Variants in PXYLP1 observed in about 807,000 individuals in gnomAD.
PXYLP1 encodes 2-phosphoxylose phosphatase 1.
Under a neutral mutation model 37.9 loss-of-function variants are expected in PXYLP1, and 17 were observed. The ratio of observed to expected loss-of-function variants is 0.45; its 90% CI spans 0.31 to 0.67. PXYLP1 has a LOEUF of 0.67. PXYLP1 is among the 30% of genes least tolerant of loss of function. PXYLP1 has a pLI of 0.07. For missense variants in PXYLP1, 511 were observed against 612.0 expected (o/e 0.84, Z 1.74); for synonymous variants, 221 against 232.2 (o/e 0.95, Z 0.44).
At chr3:141,241,706 G>A (rs535426327) in intron 1 of PXYLP1, among the ~76,000 whole-genome samples, 87 of 152,332 alleles carry the variant, frequency 5.7e-4, no homozygotes, top group African/African-American at 2.0e-3. Flanking sequence ...GTGCCATGGG[G>A]CCTGGCCTTA....
chr3:141,252,846 G>C (rs1332687397), intron 1 of PXYLP1, among the ~76,000 whole-genome samples: 1 of 152,198 alleles, frequency 6.6e-6, no homozygotes, highest in East Asian at 1.9e-4. Context: ...CCCCAGGTGA[G>C]AGAGGGTCTG....
At chr3:141,288,336 A>AG (rs1301774808) in intron 5 of PXYLP1, among the ~76,000 whole-genome samples, 1 of 152,172 alleles carries the variant, frequency 6.6e-6, no homozygotes, top group East Asian at 1.9e-4. Flanking sequence ...GCAGGGATGG[A>AG]GGGAAGGTCT....
chr3:141,287,471 G>A lies in PXYLP1; in HGVS notation c.505+18G>A, dbSNP rs777256093. 2.5e-6 allele frequency: 4 copies of A among 1,608,272 alleles called. No individual in the cohort carries two copies. The highest frequency in any genetic ancestry group is 1.1e-5 in the South Asian group (1 of 90,614). ...ACAGACAGGTATGTGTGACCCCCAT[G>A]CGCTCAGGGGTTCCCCCACCCGCTC... On this transcript the variant is annotated intron_variant, in intron 5 of 5. Coordinates refer to ENST00000286353, the MANE Select transcript of PXYLP1 (RefSeq NM_001037172.3).
At chr3:141,290,308 A>G (rs1482113065) in intron 5 of PXYLP1, among the ~76,000 whole-genome samples, 2 of 152,222 alleles carry the variant, frequency 1.3e-5, no homozygotes, top group East Asian at 3.8e-4. Context: ...TTAGAGAGTA[A>G]ACACAGGCCT....
At chr3:141,289,424 A>G (rs538468675) in intron 5 of PXYLP1, among the ~76,000 whole-genome samples, 1 of 152,162 alleles carries the variant, frequency 6.6e-6, no homozygotes, top group Non-Finnish European at 1.5e-5. Flanking sequence ...ACTAGGTGCC[A>G]GGAATGCCTT....
At chr3:141,260,686 C>G (rs913463768) in intron 2 of PXYLP1, among the ~76,000 whole-genome samples, 4 of 152,224 alleles carry the variant, frequency 2.6e-5, no homozygotes, top group Non-Finnish European at 4.4e-5. Flanking sequence ...ACCCACCCCC[C>G]AGGCAGCAGG....
intron 2 of PXYLP1, among the ~76,000 whole-genome samples, chr3:141,278,115 G>A (rs971600208): frequency 1.3e-5 from 2 of 152,210 alleles, no homozygotes; most frequent in Non-Finnish European, 2.9e-5. Flanking sequence ...CTCCCCTGGT[G>A]TTGAATAGAT....
intron 4 of PXYLP1, among the ~76,000 whole-genome samples, chr3:141,286,627 G>T (rs1576606848): frequency 6.6e-6 from 1 of 151,718 alleles, no homozygotes; most frequent in Middle Eastern, 3.4e-3. Flanking sequence ...GGTAGAGAGG[G>T]CCAGTGAGTA....
chr3:141,282,457 G>GC (rs143796044), intron 4 of PXYLP1, among the ~76,000 whole-genome samples: 1,834 of 149,274 alleles, frequency 0.012, 31 homozygotes, highest in African/African-American at 0.036. Context: ...CTTTGCCACA[G>GC]CATCTGTTAC....
At chr3:141,248,442 T>C (rs529240494) in intron 1 of PXYLP1, among the ~76,000 whole-genome samples, 2 of 151,790 alleles carry the variant, frequency 1.3e-5, no homozygotes, top group East Asian at 3.9e-4. Flanking sequence ...CTTAGCTCTA[T>C]TTTTGCTCTA....
intron 1 of PXYLP1, among the ~76,000 whole-genome samples, chr3:141,232,845 G>C (rs1445363212): frequency 2.0e-5 from 3 of 152,218 alleles, no homozygotes; most frequent in Admixed American, 6.5e-5. Flanking sequence ...GCTCTGTAGT[G>C]AGTGAGGTTA....
At chr3:141,288,721 C>T (rs1339282867) in intron 5 of PXYLP1, among the ~76,000 whole-genome samples, 1 of 152,052 alleles carries the variant, frequency 6.6e-6, no homozygotes, top group Non-Finnish European at 1.5e-5. Flanking sequence ...TAGTGGAACC[C>T]CATCTCTACA....
At chr3:141,243,873 C>T (rs1304821291) in intron 1 of PXYLP1, among the ~76,000 whole-genome samples, 9 of 152,200 alleles carry the variant, frequency 5.9e-5, no homozygotes, top group African/African-American at 2.2e-4. Context: ...ATGTGCCTGC[C>T]TTGTGAGATA....
chr3:141,248,058 T>C (rs1576578570), intron 1 of PXYLP1, among the ~76,000 whole-genome samples: 1 of 144,638 alleles, frequency 6.9e-6, no homozygotes, highest in Non-Finnish European at 1.5e-5. Flanking sequence ...AGTCCCACTC[T>C]GTCACCCAGG....
chr3:141,292,193 C>A lies in PXYLP1; in HGVS notation c.506-75C>A. 7.0e-7 allele frequency: 1 copy of A among 1,418,466 alleles called. No homozygotes were observed. The highest frequency in any genetic ancestry group is 1.4e-5 in the South Asian group (1 of 73,234). 87.9% of individuals were successfully genotyped at this position (1,418,466 alleles called of 1,614,324 possible). On this transcript the variant is annotated intron_variant, in intron 5 of 5. Coordinates refer to ENST00000286353, the MANE Select transcript of PXYLP1 (RefSeq NM_001037172.3). This position sits in a 1 kb window ranked among gnomAD's most constrained non-coding sequence, Gnocchi z 4.3. Reference sequence around the variant, plus strand: ...TGCCCTAAAACACTCCAGAGCCACACGCTGACTCCACCTCCCCTTGCTGTT... The same window carrying A: ...TGCCCTAAAACACTCCAGAGCCACAAGCTGACTCCACCTCCCCTTGCTGTT...
intron 4 of PXYLP1, among the ~76,000 whole-genome samples, chr3:141,280,152 C>T (rs1941913015): frequency 1.3e-5 from 2 of 152,220 alleles, no homozygotes; most frequent in South Asian, 4.1e-4. Context: ...GGCTAGACCT[C>T]AGCAAATGTG....
At position 141,294,688 on chromosome 3, in the gene PXYLP1, G is replaced by A. The variant is rs1942308734; in HGVS notation, c.*1483G>A. 1 of 152,176 alleles carries A rather than the reference G, an allele frequency of 6.6e-6. No homozygotes were observed. Among genetic ancestry groups the A allele is most frequent in the South Asian group, 2.1e-4 (1 of 4,830 alleles). The allele number at this position is 152,176 out of a possible 1,614,324, so 9.4% of individuals were successfully genotyped here. ...TATAAGTCACTCGAGTTATTTTCAA[G>A]TGAGAGCCAGTATTTTATTTTTCCC... On this transcript the variant is annotated 3_prime_UTR_variant, in exon 6 of 6. Coordinates refer to ENST00000286353, the MANE Select transcript of PXYLP1 (RefSeq NM_001037172.3).
chr3:141,262,074 A>G (rs1398137464), intron 2 of PXYLP1: 2 of 161,154 alleles, frequency 1.2e-5, no homozygotes, highest in Non-Finnish European at 2.7e-5. Flanking sequence ...ATGAGTACAC[A>G]GAGGAACATG....
chr3:141,266,560 G>A (rs919804592), intron 2 of PXYLP1, among the ~76,000 whole-genome samples: 1 of 149,056 alleles, frequency 6.7e-6, no homozygotes, highest in Admixed American at 6.7e-5. Context: ...AGAAGCCAAG[G>A]GGGCAACCTG....
Sources: gnomAD v4.1 joint callset for allele counts (sites outside exome capture counted in the v4.1 genomes callset) on GRCh38, gnomAD v4.1.1 for gene constraint, Gnocchi (gnomAD v3.1) non-coding constraint, MANE v1.5 for transcripts, NCBI Gene and HGNC (gene_info 2026-07-23, HGNC 2026-07-21) for gene names.